SLC28A1: variants seen among roughly 807,000 people sequenced by gnomAD.
The protein encoded by SLC28A1 is sodium/nucleoside cotransporter 1.
A neutral mutation model predicts 74.8 loss-of-function variants in SLC28A1; 64 were observed. The ratio of observed to expected loss-of-function variants is 0.86; its 90% CI spans 0.70 to 1.05. The LOEUF (loss-of-function observed/expected upper bound fraction) is 1.05, where lower values mean the gene tolerates loss of function less well. Among genes scored for constraint, SLC28A1 ranks in the 50% least tolerant of loss-of-function variants. The pLI is 0.00. For synonymous variants in SLC28A1, 359 were observed against 335.0 expected, an observed-to-expected ratio of 1.07 and a Z score of -0.78; for missense variants, 828 against 822.8, an observed-to-expected ratio of 1.01 and a Z score of -0.08.
In SLC28A1 at chr15:84,897,602, T is replaced by C. The variant is rs1019478818; in HGVS notation, c.461+2479T>C. On this transcript the variant is annotated intron_variant, in intron 6 of 18. Coordinates refer to ENST00000394573, the MANE Select transcript of SLC28A1 (RefSeq NM_004213.5). Reference sequence around the variant, plus strand: ...AGATCAAATCAGTGTACTTGGGATATCCATCAACTTAAATATTTGTCTTTC... The same window carrying C: ...AGATCAAATCAGTGTACTTGGGATACCCATCAACTTAAATATTTGTCTTTC... Among the ~76,000 whole-genome samples, 3 of 147,228 alleles carry C rather than the reference T, an allele frequency of 2.0e-5. No individual in the cohort carries two copies. The Admixed American group carries it at 2.1e-4, about 10-fold the overall frequency.
the SLC28A1 span, among the ~76,000 whole-genome samples, chr15:84,959,567 C>G: frequency 6.7e-6 from 1 of 150,150 alleles, no homozygotes; most frequent in African/African-American, 2.5e-5. Flanking sequence ...ATTTTGTTTG[C>G]TTTCTGAAAA....
At chr15:84,958,780 T>A in the SLC28A1 span, among the ~76,000 whole-genome samples, 3 of 151,908 alleles carry the variant, frequency 2.0e-5, no homozygotes, top group East Asian at 1.9e-4. Context: ...GGTCTCAAAA[T>A]TTTTTTTATT....
At chr15:84,908,492 A>G (rs1967604842) in intron 8 of SLC28A1, among the ~76,000 whole-genome samples, 1 of 152,004 alleles carries the variant, frequency 6.6e-6, no homozygotes, top group Admixed American at 6.6e-5. Flanking sequence ...CCTGCAGAGC[A>G]TATCTTTAAA....
At chr15:84,924,485 G>A (rs532469691) in intron 12 of SLC28A1, among the ~76,000 whole-genome samples, 5 of 152,232 alleles carry the variant, frequency 3.3e-5, no homozygotes, top group African/African-American at 1.2e-4. Flanking sequence ...CACCTGGGCT[G>A]TCCCTAGAGA....
At chr15:84,886,386 G>T (rs569194874) in intron 1 of SLC28A1, 3 of 978,622 alleles carry the variant, frequency 3.1e-6, no homozygotes, top group African/African-American at 3.5e-5. Flanking sequence ...AAGGAAGGAG[G>T]GGGAGGGAAA....
At chr15:84,945,865 A>G (rs1373481884), downstream of SLC28A1, 2 of 153,520 alleles carry the variant, frequency 1.3e-5, no homozygotes, top group African/African-American at 2.5e-5. Context: ...TTTTTTCCAC[A>G]TTTACTTGAC....
the SLC28A1 span, among the ~76,000 whole-genome samples, chr15:84,956,064 C>T: frequency 6.6e-6 from 1 of 152,158 alleles, no homozygotes; most frequent in Non-Finnish European, 1.5e-5. Context: ...CGGTAATTCC[C>T]TCCCCATCCC....
At chr15:84,910,816 A>G (rs1355290356) in intron 9 of SLC28A1, among the ~76,000 whole-genome samples, 1 of 152,226 alleles carries the variant, frequency 6.6e-6, no homozygotes, top group Non-Finnish European at 1.5e-5. Context: ...AAGTGCAGTA[A>G]CGGAGGGGCC....
chr15:84,941,840 G>T (rs1159271801), intron 15 of SLC28A1, among the ~76,000 whole-genome samples: 1 of 152,096 alleles, frequency 6.6e-6, no homozygotes, highest in Non-Finnish European at 1.5e-5. Context: ...GAAAAAGAAA[G>T]TTATCTGGAA....
chr15:84,888,660 C>T (rs1964895487), intron 3 of SLC28A1, 112 bp from the exon 4 acceptor site: 4 of 734,182 alleles, frequency 5.4e-6, no homozygotes, highest in Middle Eastern at 3.4e-4. Flanking sequence ...CCCTGTGCCC[C>T]AGCCCAGTCC....
At chr15:84,910,586 A>G (rs34210231) in intron 9 of SLC28A1, among the ~76,000 whole-genome samples, 9 of 151,974 alleles carry the variant, frequency 5.9e-5, no homozygotes, top group Non-Finnish European at 1.0e-4. Context: ...AAATTAGCCA[A>G]GTGTGGTGGT....
the SLC28A1 span, among the ~76,000 whole-genome samples, chr15:84,958,611 T>C: frequency 2.0e-5 from 3 of 152,112 alleles, no homozygotes; most frequent in African/African-American, 7.2e-5. Flanking sequence ...TGGAGTACAG[T>C]GGTGCAACCG....
intron 16 of SLC28A1, 114 bp downstream of exon 16, chr15:84,943,640 C>A: frequency 2.4e-6 from 2 of 827,282 alleles, no homozygotes; most frequent in Non-Finnish European, 4.1e-6. Flanking sequence ...AACAAGATGG[C>A]CATAGAGGCC....
chr15:84,914,953 T>C (rs1968877192), intron 9 of SLC28A1, among the ~76,000 whole-genome samples: 1 of 152,194 alleles, frequency 6.6e-6, no homozygotes, highest in African/African-American at 2.4e-5. Context: ...GAAAATCTTT[T>C]GATTGCTGGC....
intron 12 of SLC28A1, among the ~76,000 whole-genome samples, chr15:84,927,624 G>A (rs1201043393): frequency 6.6e-6 from 1 of 152,166 alleles, no homozygotes; most frequent in Non-Finnish European, 1.5e-5. Context: ...GAAAGGCAGA[G>A]GGAAGTTAAA....
chr15:84,965,906 G>C, the SLC28A1 span, among the ~76,000 whole-genome samples: 4 of 150,382 alleles, frequency 2.7e-5, no homozygotes, highest in Admixed American at 6.6e-5. Context: ...GGCGGGGAGG[G>C]GGGGGAAATA....
rs370090702 is a variant in SLC28A1 at position 84,905,622 on chromosome 15, T to A, written c.687T>A (p.Ile229=). 1.1e-5 allele frequency: 17 copies of A among 1,613,854 alleles called. No homozygotes were observed. The African/African-American group carries it at 1.9e-4, about 18-fold the overall frequency. Residue 229 remains isoleucine, a synonymous_variant, in exon 8 of 19, where the codon ATT becomes ATA. Transcript: ENST00000394573. ...LLVIRTEPGF[I]AFEWLGEQIR... ...TCATCAGAACAGAACCAGGATTCAT[T>A]GCGTTCGAGTGGCTGGGCGAGCAGA...
At chr15:84,887,938 C>G in intron 3 of SLC28A1, 82 bp downstream of exon 3, 1 of 977,330 alleles carries the variant, frequency 1.0e-6, no homozygotes, top group Non-Finnish European at 1.7e-6. Flanking sequence ...GAGGCTTTTG[C>G]TCACCACCTT....
chr15:84,946,083 T>TATATATATATA (rs1321419859), downstream of SLC28A1, among the ~76,000 whole-genome samples: 424 of 36,140 alleles, frequency 0.012, 92 homozygotes, highest in Middle Eastern at 0.017. Flanking sequence ...TGTGTGTATG[T>TATATATATATA]TCATATATAT....
Sources: allele counts gnomAD v4.1 joint callset (sites outside exome capture counted in the v4.1 genomes callset), GRCh38; gene constraint gnomAD v4.1.1; transcripts MANE v1.5; gene names NCBI Gene and HGNC (gene_info 2026-07-23, HGNC 2026-07-21).